Variants in ATP2C1 observed in about 807,000 individuals in gnomAD.
ATP2C1 encodes ATPase secretory pathway Ca2+ transporting 1, also known as calcium-transporting ATPase type 2C member 1.
In ATP2C1, 31 loss-of-function variants were observed where a neutral mutation model predicts 120.5. The ratio of observed to expected loss-of-function variants is 0.26; its 90% CI spans 0.19 to 0.35. The LOEUF (loss-of-function observed/expected upper bound fraction) is 0.35, where lower values mean the gene tolerates loss of function less well. Ranked by LOEUF, ATP2C1 falls within the 10% of genes least tolerant of loss-of-function variation. The probability of loss-of-function intolerance (pLI) is 1.00; values close to 1 mark genes in which losing one functional copy is unlikely to be tolerated. For synonymous variants in ATP2C1, 351 were observed against 358.7 expected, an observed-to-expected ratio of 0.98 and a Z score of 0.24; for missense variants, 731 against 1,107.5, an observed-to-expected ratio of 0.66 and a Z score of 4.83.
intron 5 of ATP2C1, among the ~76,000 whole-genome samples, chr3:130,934,963 G>A (rs2059603912): frequency 6.6e-6 from 1 of 152,150 alleles, no homozygotes. Context: ...ATCCTGAGTA[G>A]TTGGGACTAC....
At position 130,997,842 on chromosome 3, in the gene ATP2C1, TGGGA is replaced by T. The variant is rs1328466475; in HGVS notation, c.2391+90_2391+93del. The T allele has an allele frequency of 9.5e-6, 14 of 1,466,390 alleles. No homozygotes were observed. In the African/African-American group the frequency reaches 1.8e-4, roughly 19 times the overall value. The allele number at this position is 1,466,390 out of a possible 1,614,324, so 90.8% of individuals were successfully genotyped here. A position where few individuals can be genotyped will look rare whatever the true frequency, so the allele number is the denominator to read the frequency against. On this transcript the variant is annotated intron_variant, in intron 25 of 27. Transcript: ENST00000510168. ...TATTTTGATGGGTTACCCAGAAGGC[TGGGA>T]AGTTAAGGGAGCTCTTTTAGTGAAA...
At chr3:130,940,742 G>C in intron 7 of ATP2C1, 51 bp downstream of exon 7, 3 of 1,311,636 alleles carry the variant, frequency 2.3e-6, no homozygotes, top group Non-Finnish European at 3.3e-6. Flanking sequence ...AATAGAAGTT[G>C]AATGTGACTA....
At chr3:130,990,310 A>G (rs218483) in intron 20 of ATP2C1, among the ~76,000 whole-genome samples, 1 of 140,038 alleles carries the variant, frequency 7.1e-6, no homozygotes, top group Admixed American at 7.4e-5. Context: ...TTTGAATGAT[A>G]AGAGAGGGAG....
At chr3:131,015,379 T>A in intron 26 of ATP2C1, 1 of 594,244 alleles carries the variant, frequency 1.7e-6, no homozygotes, top group Non-Finnish European at 3.0e-6. Context: ...ACCTCCTGGA[T>A]GGTCAATTAC....
chr3:130,969,214 G>A, intron 16 of ATP2C1, 78 bp from the exon 17 acceptor site: 1 of 954,612 alleles, frequency 1.0e-6, no homozygotes, highest in East Asian at 2.4e-5. Flanking sequence ...CTAGTTACAA[G>A]TGGTGACCCT....
upstream of ATP2C1, among the ~76,000 whole-genome samples, chr3:130,890,620 G>C (rs1459007816): frequency 2.0e-5 from 3 of 152,192 alleles, no homozygotes; most frequent in African/African-American, 7.2e-5. Context: ...CTGGATCTGG[G>C]TGCTATTAAA....
At position 130,923,864 on chromosome 3, in the gene ATP2C1, C is replaced by CAA. The variant is rs59951169; in HGVS notation, c.7-6534_7-6533dup. Among the ~76,000 whole-genome samples the CAA allele has an allele frequency of 6.7e-3, 600 of 88,992 alleles. 3 individuals carry two copies. The highest frequency in any genetic ancestry group is 0.019 in the African/African-American group (553 of 28,594). 58.4% of individuals were successfully genotyped at this position (88,992 alleles called of 152,430 possible). A position where few individuals can be genotyped will look rare whatever the true frequency, so the allele number is the denominator to read the frequency against. On this transcript the variant is annotated intron_variant, in intron 2 of 27. Coordinates refer to ENST00000510168, the MANE Select transcript of ATP2C1 (RefSeq NM_001378687.1). The stretch of plus-strand genomic sequence containing the variant: ...TGGGTGATGAAGTGAGACTCTGTCT[C>CAA]AAAAAAAAAAAAAAAAAAAGGATAA...
chr3:130,944,935 T>A (rs1259652416), intron 8 of ATP2C1, among the ~76,000 whole-genome samples: 1 of 152,258 alleles, frequency 6.6e-6, no homozygotes, highest in African/African-American at 2.4e-5. Flanking sequence ...TCTAGATTAC[T>A]TATAACTCCT....
At chr3:130,968,249 C>T (rs539117192) in intron 16 of ATP2C1, among the ~76,000 whole-genome samples, 2 of 152,066 alleles carry the variant, frequency 1.3e-5, no homozygotes, top group African/African-American at 2.4e-5. Context: ...AACATGAATC[C>T]GTTATCAAGT....
rs911359594 is a variant in ATP2C1, at chr3:130,995,971, A to G, written c.2058-72A>G. Reference sequence around the variant, plus strand: ...GAAATTTATTTTCAAAATTAGCTCTACAGTGTTTTAGTATAGATACATTTT... The same window carrying G: ...GAAATTTATTTTCAAAATTAGCTCTGCAGTGTTTTAGTATAGATACATTTT... On this transcript the variant is annotated intron_variant, in intron 22 of 27. Coordinates refer to ENST00000510168, the MANE Select transcript of ATP2C1 (RefSeq NM_001378687.1). 1.5e-5 allele frequency: 15 copies of G among 1,004,406 alleles called. No individual in the cohort carries two copies. In the East Asian group the frequency reaches 2.9e-4, roughly 19 times the overall value. The allele number at this position is 1,004,406 out of a possible 1,614,324, so 62.2% of individuals were successfully genotyped here.
chr3:130,902,284 G>T (rs796761797), intron 2 of ATP2C1, among the ~76,000 whole-genome samples: 22 of 65,496 alleles, frequency 3.4e-4, no homozygotes, highest in African/African-American at 9.6e-4. Context: ...AAGGCTTCAC[G>T]TTTTTTTTTT....
chr3:130,932,360 C>T (rs1370578245), intron 4 of ATP2C1, among the ~76,000 whole-genome samples: 1 of 151,998 alleles, frequency 6.6e-6, no homozygotes, highest in Non-Finnish European at 1.5e-5. Flanking sequence ...GGGTATATTA[C>T]ACAAAGATAA....
At chr3:130,998,436 G>C in intron 26 of ATP2C1, 47 bp downstream of exon 26, 1 of 1,378,008 alleles carries the variant, frequency 7.3e-7, no homozygotes, top group Non-Finnish European at 1.0e-6. Flanking sequence ...ACTCACTTGA[G>C]TAGAGTGCTT....
At chr3:130,877,301 T>C (rs531634844) in intron 1 of ATP2C1, among the ~76,000 whole-genome samples, 43 of 152,306 alleles carry the variant, frequency 2.8e-4, no homozygotes, top group African/African-American at 8.4e-4. Flanking sequence ...TATCTTTCAA[T>C]TGGGGGGATT....
At chr3:130,907,188 CA>C (rs2058169227) in intron 2 of ATP2C1, among the ~76,000 whole-genome samples, 1 of 151,928 alleles carries the variant, frequency 6.6e-6, no homozygotes, top group Non-Finnish European at 1.5e-5. Context: ...TTCACTGCAG[CA>C]ATGTTTATAA....
At chr3:130,971,853 AGAAGATGTCATTGTCC>A (rs1188658744) in intron 17 of ATP2C1, among the ~76,000 whole-genome samples, 1 of 152,206 alleles carries the variant, frequency 6.6e-6, no homozygotes, top group Non-Finnish European at 1.5e-5. Flanking sequence ...AGAATGATTA[AGAAGATGTCATTGTCC>A]TGAAGGATAA....
intron 17 of ATP2C1, among the ~76,000 whole-genome samples, chr3:130,975,050 T>C (rs993594247): frequency 2.6e-5 from 4 of 152,228 alleles, no homozygotes; most frequent in Non-Finnish European, 4.4e-5. Context: ...TTTCCTGTTA[T>C]GTTGCAGTGA....
chr3:130,901,448 T>G (rs2057818355), intron 2 of ATP2C1, among the ~76,000 whole-genome samples: 1 of 151,848 alleles, frequency 6.6e-6, no homozygotes, highest in Non-Finnish European at 1.5e-5. Flanking sequence ...TATATTAGAG[T>G]AATGGGAATG....
chr3:130,930,650 C>CCT, intron 3 of ATP2C1, 124 bp downstream of exon 3: 1 of 733,404 alleles, frequency 1.4e-6, no homozygotes, highest in Non-Finnish European at 2.5e-6. Flanking sequence ...TGCCATTCAG[C>CCT]ATAGTAGCCA....
Sources: gnomAD v4.1 joint callset for allele counts (sites outside exome capture counted in the v4.1 genomes callset) on GRCh38, gnomAD v4.1.1 for gene constraint, MANE v1.5 for transcripts, NCBI Gene and HGNC (gene_info 2026-07-23, HGNC 2026-07-21) for gene names.